The following CSMD3 variants were observed in gnomAD, a reference collection of about 807,000 sequenced individuals.
The protein encoded by CSMD3 is CUB and sushi domain-containing protein 3.
CSMD3 carries 177 observed loss-of-function variants against 435.2 expected under a neutral mutation model. The ratio of observed to expected loss-of-function variants is 0.41; its 90% CI spans 0.36 to 0.46. CSMD3 has a LOEUF of 0.46. Ranked by LOEUF, CSMD3 falls within the 20% of genes least tolerant of loss-of-function variation. CSMD3 has a pLI of 0.34. For synonymous variants in CSMD3, 1,656 were observed against 1,520.5 expected (o/e 1.09, Z -2.07); for missense variants, 4,265 against 4,504.6 (o/e 0.95, Z 1.52).
chr8:112,483,498 A>G (rs950220398), intron 31 of CSMD3, among the ~76,000 whole-genome samples: 8 of 152,156 alleles, frequency 5.3e-5, no homozygotes, highest in African/African-American at 1.9e-4. Context: ...AAAAAGAAAA[A>G]TAAGAGAAAG....
chr8:112,646,421 T>C (rs2074982384), intron 19 of CSMD3, among the ~76,000 whole-genome samples: 2 of 152,172 alleles, frequency 1.3e-5, no homozygotes, highest in Admixed American at 1.3e-4. Flanking sequence ...TGTGTGTGTA[T>C]TTACAAGAAG....
At chr8:112,329,226 C>T (rs1823803517) in intron 45 of CSMD3, among the ~76,000 whole-genome samples, 1 of 152,120 alleles carries the variant, frequency 6.6e-6, no homozygotes, top group South Asian at 2.1e-4. Context: ...TAGGCATTGT[C>T]TCCTGTTAAA....
intron 5 of CSMD3, among the ~76,000 whole-genome samples, chr8:113,054,194 T>C (rs1246191497): frequency 1.3e-5 from 2 of 152,186 alleles, no homozygotes; most frequent in Non-Finnish European, 2.9e-5. Context: ...ATTATTTCTC[T>C]TTTCCCATTT....
intron 11 of CSMD3, among the ~76,000 whole-genome samples, chr8:112,854,212 C>G (rs1270445286): frequency 6.6e-6 from 1 of 152,014 alleles, no homozygotes; most frequent in Middle Eastern, 3.2e-3. Context: ...TCTGACTAGA[C>G]CTTGTCAGTG....
intron 16 of CSMD3, among the ~76,000 whole-genome samples, chr8:112,679,827 C>T (rs2075848829): frequency 6.6e-6 from 1 of 152,116 alleles, no homozygotes; most frequent in African/African-American, 2.4e-5. Context: ...AATTTCAGTG[C>T]AGGGGAGGGT....
At chr8:113,347,483 C>T (rs2094160000) in intron 1 of CSMD3, among the ~76,000 whole-genome samples, 1 of 152,096 alleles carries the variant, frequency 6.6e-6, no homozygotes, top group Admixed American at 6.6e-5. Context: ...TTTGGCACAT[C>T]AGCAAACAAA....
chr8:113,364,053 A>G (rs2094295319), intron 1 of CSMD3, among the ~76,000 whole-genome samples: 1 of 152,090 alleles, frequency 6.6e-6, no homozygotes, highest in Non-Finnish European at 1.5e-5. Flanking sequence ...GAAATATGTA[A>G]GGTCTATGTC....
intron 12 of CSMD3, among the ~76,000 whole-genome samples, chr8:112,816,750 A>C (rs537141822): frequency 6.6e-6 from 1 of 152,128 alleles, no homozygotes; most frequent in East Asian, 1.9e-4. Context: ...TACAAGCCTA[A>C]CAGAAAACAG....
intron 1 of CSMD3, among the ~76,000 whole-genome samples, chr8:113,426,943 C>G (rs77122694): frequency 0.011 from 1,614 of 151,442 alleles, 21 homozygotes; most frequent in African/African-American, 0.037. Context: ...TATATCAAAA[C>G]TATTTAAAAT....
chr8:113,130,019 T>C (rs572035329), intron 4 of CSMD3, among the ~76,000 whole-genome samples: 18 of 151,970 alleles, frequency 1.2e-4, no homozygotes, highest in Non-Finnish European at 2.4e-4. Flanking sequence ...AATACTATCA[T>C]ATTATTATCA....
intron 24 of CSMD3, among the ~76,000 whole-genome samples, chr8:112,565,802 T>C (rs915036984): frequency 1.3e-5 from 2 of 152,076 alleles, no homozygotes; most frequent in Admixed American, 6.6e-5. Context: ...AAATACTCAA[T>C]TCCTTTTTAC....
At chr8:113,236,795 C>T (rs967172454) in intron 3 of CSMD3, among the ~76,000 whole-genome samples, 1 of 152,030 alleles carries the variant, frequency 6.6e-6, no homozygotes, top group Non-Finnish European at 1.5e-5. Context: ...CTCTAATAAC[C>T]GCCTCTCATC....
chr8:112,874,409 A>T (rs995659133), intron 10 of CSMD3, among the ~76,000 whole-genome samples: 1 of 152,156 alleles, frequency 6.6e-6, no homozygotes, highest in African/African-American at 2.4e-5. Context: ...AATTCTGTAG[A>T]TGTCTATTAG....
chr8:113,059,485 A>C (rs1391693862), intron 5 of CSMD3, among the ~76,000 whole-genome samples: 1 of 152,160 alleles, frequency 6.6e-6, no homozygotes, highest in African/African-American at 2.4e-5. Flanking sequence ...CAGAACAATA[A>C]ATGCTGGCAC....
At chr8:112,867,325 C>T (rs961625207) in intron 10 of CSMD3, among the ~76,000 whole-genome samples, 1 of 152,122 alleles carries the variant, frequency 6.6e-6, no homozygotes, top group African/African-American at 2.4e-5. Flanking sequence ...GAGTTTCTGT[C>T]ATGGCATATC....
intron 32 of CSMD3, among the ~76,000 whole-genome samples, chr8:112,437,112 C>A (rs879256016): frequency 6.6e-6 from 1 of 151,740 alleles, no homozygotes; most frequent in Non-Finnish European, 1.5e-5. Flanking sequence ...AGTGCCTAAA[C>A]CAAAAGGGAT....
chr8:112,636,584 CTAATT>C (rs1403776505), intron 22 of CSMD3, among the ~76,000 whole-genome samples: 1 of 132,130 alleles, frequency 7.6e-6, no homozygotes, highest in East Asian at 2.1e-4. Flanking sequence ...ATCTATCTAT[CTAATT>C]TGTTTCTTAT....
intron 13 of CSMD3, among the ~76,000 whole-genome samples, chr8:112,713,369 T>C (rs922547209): frequency 1.3e-5 from 2 of 149,652 alleles, no homozygotes; most frequent in African/African-American, 2.5e-5. Context: ...AATAAATAAA[T>C]AAATAAATAA....
chr8:112,287,791 T>C lies in CSMD3; in HGVS notation c.9149-545A>G, dbSNP rs148683151. Among the ~76,000 whole-genome samples, 500 of 152,244 alleles carry C rather than the reference T, an allele frequency of 3.3e-3. 4 individuals carry two copies. Among genetic ancestry groups the C allele is most frequent in the African/African-American group, 0.012 (486 of 41,560 alleles). On this transcript the variant is annotated intron_variant, in intron 57 of 70. Coordinates refer to ENST00000297405, the MANE Select transcript of CSMD3 (RefSeq NM_198123.2). The stretch of plus-strand genomic sequence containing the variant: ...CCAATGACCAATGATCAAAGATGAA[T>C]GAACTGCATATTCCTCGTATATGAA...
Sources: gnomAD v4.1 joint callset for allele counts (sites outside exome capture counted in the v4.1 genomes callset) on GRCh38, gnomAD v4.1.1 for gene constraint, MANE v1.5 for transcripts, NCBI Gene and HGNC (gene_info 2026-07-23, HGNC 2026-07-21) for gene names.